The following MMS22L variants were observed in gnomAD, a reference collection of about 807,000 sequenced individuals.
MMS22L encodes the protein MMS22 like, DNA repair protein, also known as protein MMS22-like.
A neutral mutation model predicts 159.1 loss-of-function variants in MMS22L; 74 were observed. The ratio of observed to expected loss-of-function variants is 0.47; its 90% CI spans 0.39 to 0.56. MMS22L has a LOEUF of 0.56. Among genes scored for constraint, MMS22L ranks in the 20% least tolerant of loss-of-function variants. MMS22L has a pLI of 0.00. For missense variants in MMS22L, 1,351 were observed against 1,422.1 expected (o/e 0.95, Z 0.80); for synonymous variants, 517 against 506.9 (o/e 1.02, Z -0.27).
At chr6:97,203,174 C>T (rs759397378) in intron 14 of MMS22L, among the ~76,000 whole-genome samples, 8 of 152,142 alleles carry the variant, frequency 5.3e-5, no homozygotes, top group Non-Finnish European at 8.8e-5. Context: ...CTTCAAAATT[C>T]GAAACTAGAA....
intron 9 of MMS22L, 48 bp from the exon 10 acceptor site, chr6:97,254,781 C>A (rs1813612508): frequency 6.9e-7 from 1 of 1,447,526 alleles, no homozygotes; most frequent in Non-Finnish European, 9.2e-7. Context: ...TTTCAATAAC[C>A]TTTGATTTCG....
intron 11 of MMS22L, among the ~76,000 whole-genome samples, chr6:97,237,626 G>C (rs1461129931): frequency 2.6e-5 from 4 of 152,166 alleles, no homozygotes; most frequent in Non-Finnish European, 5.9e-5. Context: ...TTTCACCAAA[G>C]AGCCTCCATA....
chr6:97,264,878 G>A (rs920029014), intron 8 of MMS22L: 18 of 151,990 alleles, frequency 1.2e-4, no homozygotes, highest in African/African-American at 4.1e-4. Flanking sequence ...AAAAAACACT[G>A]ATGAAAGAAA....
chr6:97,246,670 C>G lies in MMS22L; in HGVS notation c.1140G>C (p.Trp380Cys). 6.2e-7 allele frequency: 1 copy of G among 1,610,408 alleles called. No homozygotes were observed. Among genetic ancestry groups the G allele is most frequent in the Non-Finnish European group, 8.5e-7 (1 of 1,178,468 alleles). ...TTTTCAGCAGTTCTTCTACAAAGTT[C>G]CAATTTGATTCCACTTTTCTCTAGA... is the stretch of plus-strand genomic sequence containing the variant. ...PDEMRKVESN[W>C]NFVEELLKKS... The change falls in exon 11 of 25, where the codon TGG becomes TGC. Residue 380 changes from tryptophan to cysteine, a missense_variant. Physicochemically the swap from Trp to Cys is radical, Grantham distance 215. Transcript: ENST00000683635.
intron 3 of MMS22L, among the ~76,000 whole-genome samples, chr6:97,279,710 C>T (rs1048386100): frequency 2.7e-5 from 4 of 150,706 alleles, no homozygotes; most frequent in African/African-American, 9.8e-5. Context: ...CGCTTAAACT[C>T]GGGAGGCGGA....
intron 13 of MMS22L, chr6:97,230,216 C>G (rs1810707843): frequency 6.6e-6 from 1 of 151,848 alleles, no homozygotes; most frequent in South Asian, 2.1e-4. Context: ...CCTGCCCCAG[C>G]CTCCTGAGTA....
At chr6:97,213,136 G>A (rs934780920) in intron 14 of MMS22L, among the ~76,000 whole-genome samples, 1 of 152,126 alleles carries the variant, frequency 6.6e-6, no homozygotes, top group African/African-American at 2.4e-5. Flanking sequence ...GCCAGGCATG[G>A]TGGCTCACGC....
chr6:97,235,414 A>G (rs1402740716), intron 11 of MMS22L, among the ~76,000 whole-genome samples: 1 of 152,236 alleles, frequency 6.6e-6, no homozygotes, highest in Admixed American at 6.5e-5. Flanking sequence ...AGTTGTTGAC[A>G]TAAATTTGGG....
chr6:97,194,820 G>A (rs1302243828), intron 14 of MMS22L, among the ~76,000 whole-genome samples: 1 of 152,088 alleles, frequency 6.6e-6, no homozygotes, highest in Non-Finnish European at 1.5e-5. Context: ...GGAGTGTTTA[G>A]GTGAAAAGGA....
chr6:97,264,374 A>G (rs146818071), intron 8 of MMS22L: 1 of 152,232 alleles, frequency 6.6e-6, no homozygotes, highest in East Asian at 1.9e-4. Context: ...ACCTTTTTTT[A>G]ATAAAAAAAT....
chr6:97,194,169 T>C (rs1023085746), intron 14 of MMS22L, among the ~76,000 whole-genome samples: 14 of 152,184 alleles, frequency 9.2e-5, no homozygotes, highest in Non-Finnish European at 1.9e-4. Context: ...GCAATTCTCC[T>C]GCCTCAGCCT....
chr6:97,277,902 G>A (rs1287810072), intron 4 of MMS22L, among the ~76,000 whole-genome samples: 1 of 152,182 alleles, frequency 6.6e-6, no homozygotes, highest in Non-Finnish European at 1.5e-5. Flanking sequence ...GTAGTCTTTG[G>A]TTGCTAGGCA....
intron 4 of MMS22L, among the ~76,000 whole-genome samples, chr6:97,273,323 T>C (rs1815942409): frequency 6.6e-6 from 1 of 152,188 alleles, no homozygotes. Flanking sequence ...ACACCTGGCT[T>C]CATGGTGCCA....
intron 14 of MMS22L, among the ~76,000 whole-genome samples, chr6:97,207,795 T>G (rs1169769657): frequency 1.3e-5 from 2 of 152,174 alleles, no homozygotes; most frequent in African/African-American, 4.8e-5. Context: ...CCAAAATCTC[T>G]TAACATTACA....
At chr6:97,222,459 T>C (rs542949405) in intron 14 of MMS22L, among the ~76,000 whole-genome samples, 3 of 152,112 alleles carry the variant, frequency 2.0e-5, no homozygotes, top group Non-Finnish European at 4.4e-5. Context: ...TTTAGCATTT[T>C]AGGCAAGTTC....
rs1247165658 is a variant in MMS22L, at chr6:97,146,346, C to T, written c.*460G>A. The T allele has an allele frequency of 1.3e-5, 2 of 152,292 alleles. No individual in the cohort carries two copies. Among genetic ancestry groups the T allele is most frequent in the African/African-American group, 2.4e-5 (1 of 41,402 alleles). The allele number at this position is 152,292 out of a possible 1,614,324, so 9.4% of individuals were successfully genotyped here. On this transcript the variant is annotated 3_prime_UTR_variant, in exon 25 of 25. Coordinates refer to ENST00000683635, the MANE Select transcript of MMS22L (RefSeq NM_001350599.2). ...CACAGTCACATTTCCCAACACCTTT[C>T]CCCCACCAAAAACACAGTATAGGGT...
intron 14 of MMS22L, among the ~76,000 whole-genome samples, chr6:97,214,014 T>C (rs1808685165): frequency 6.6e-6 from 1 of 152,220 alleles, no homozygotes; most frequent in Non-Finnish European, 1.5e-5. Context: ...CTGTTGGATA[T>C]ATGTAATTGG....
rs1800992670 is a variant in MMS22L at position 97,147,985 on chromosome 6, T to TA, written c.3651-1099dup. Reference sequence around the variant, plus strand: ...TCATTAGAGTGTGTATTTGTACAGATAAACAGACACACATGCATATGATTA... The same window carrying TA: ...TCATTAGAGTGTGTATTTGTACAGATAAAACAGACACACATGCATATGATTA... On this transcript the variant is annotated intron_variant, in intron 24 of 24. Coordinates refer to ENST00000683635, the MANE Select transcript of MMS22L (RefSeq NM_001350599.2). 2.6e-5 allele frequency among the ~76,000 whole-genome samples: 4 copies of TA among 152,350 alleles called. No homozygotes were observed. In the South Asian group the frequency reaches 8.3e-4, roughly 32 times the overall value.
chr6:97,216,492 ACT>A (rs1465899592), intron 14 of MMS22L, among the ~76,000 whole-genome samples: 1 of 152,178 alleles, frequency 6.6e-6, no homozygotes, highest in Non-Finnish European at 1.5e-5. Flanking sequence ...AGTTTATCAT[ACT>A]GAGTTTTTTT....
Sources: gnomAD v4.1 joint callset for allele counts (sites outside exome capture counted in the v4.1 genomes callset) on GRCh38, gnomAD v4.1.1 for gene constraint, MANE v1.5 for transcripts, NCBI Gene and HGNC (gene_info 2026-07-23, HGNC 2026-07-21) for gene names.